The following LYPD6 variants were observed in gnomAD, a reference collection of about 807,000 sequenced individuals.
LYPD6 encodes ly6/PLAUR domain-containing protein 6.
Under a neutral mutation model 22.7 loss-of-function variants are expected in LYPD6, and 15 were observed. The observed-to-expected ratio is 0.66, with a 90% confidence interval of 0.44 to 1.02. The LOEUF (loss-of-function observed/expected upper bound fraction) is 1.02, where lower values mean the gene tolerates loss of function less well. LYPD6 is among the 50% of genes least tolerant of loss of function. LYPD6 has a pLI of 0.00. For missense variants in LYPD6, 189 were observed against 208.4 expected (o/e 0.91, Z 0.57); for synonymous variants, 72 against 77.5 (o/e 0.93, Z 0.37).
At chr2:149,483,380 G>A in the LYPD6 span, among the ~76,000 whole-genome samples, 21 of 152,318 alleles carry the variant, frequency 1.4e-4, no homozygotes, top group South Asian at 6.2e-4. Flanking sequence ...TGTTGATTGC[G>A]TATCTGGGAC....
At chr2:149,403,559 C>T (rs1682615733) in intron 1 of LYPD6, among the ~76,000 whole-genome samples, 1 of 136,648 alleles carries the variant, frequency 7.3e-6, no homozygotes. Context: ...ATGTCCTTCG[C>T]CCACTTTTTG....
At chr2:149,424,173 A>G (rs1298973035) in intron 1 of LYPD6, among the ~76,000 whole-genome samples, 2 of 152,146 alleles carry the variant, frequency 1.3e-5, no homozygotes, top group Non-Finnish European at 2.9e-5. Context: ...AAAAGCAGTT[A>G]TTATGATTAC....
At chr2:149,374,285 A>G (rs1313769694) in intron 1 of LYPD6, among the ~76,000 whole-genome samples, 1 of 152,200 alleles carries the variant, frequency 6.6e-6, no homozygotes, top group East Asian at 1.9e-4. Context: ...AGTCTCAATT[A>G]TGTTCAGGTC....
At chr2:149,364,554 T>A (rs2105071057) in intron 1 of LYPD6, among the ~76,000 whole-genome samples, 1 of 152,090 alleles carries the variant, frequency 6.6e-6, no homozygotes, top group African/African-American at 2.4e-5. Context: ...ATTTTTTTTT[T>A]TTTTTTTGCA....
chr2:149,473,459 A>C lies in LYPD6; in HGVS notation c.*2609A>C, dbSNP rs871. 0.9 allele frequency: 137,635 copies of C among 152,710 alleles called. 62,025 individuals are homozygous for C. Among genetic ancestry groups the C allele is most frequent in the East Asian group, 1 (5,158 of 5,182 alleles). 9.5% of individuals were successfully genotyped at this position (152,710 alleles called of 1,614,324 possible). ...ACATTAAATTCTCCATTACATCTCA[A>C]TATTGGTAATGGCTTAAGTGTAAAG... On this transcript the variant is annotated 3_prime_UTR_variant, in exon 5 of 5. Coordinates refer to ENST00000334166, the MANE Select transcript of LYPD6 (RefSeq NM_194317.5).
At chr2:149,360,155 G>A (rs1382260575) in intron 1 of LYPD6, among the ~76,000 whole-genome samples, 2 of 152,158 alleles carry the variant, frequency 1.3e-5, no homozygotes, top group African/African-American at 4.8e-5. Flanking sequence ...GTGTCTTTTA[G>A]CATGCTAATA....
chr2:149,374,595 C>A (rs540909325), intron 1 of LYPD6, among the ~76,000 whole-genome samples: 1 of 152,288 alleles, frequency 6.6e-6, no homozygotes, highest in African/African-American at 2.4e-5. Context: ...TTTGCTGAGT[C>A]TTAGGCTCTT....
chr2:149,389,808 T>C (rs1025204731), intron 1 of LYPD6, among the ~76,000 whole-genome samples: 2 of 152,142 alleles, frequency 1.3e-5, no homozygotes, highest in African/African-American at 4.8e-5. Flanking sequence ...TGACTACTGA[T>C]GGATGTCATG....
intron 3 of LYPD6, among the ~76,000 whole-genome samples, chr2:149,465,658 TGTTATTAAAAACAATATTG>T (rs1381346957): frequency 6.6e-6 from 1 of 152,222 alleles, no homozygotes; most frequent in Non-Finnish European, 1.5e-5. Context: ...ATATAGTTTC[TGTTATTAAAAACAATATTG>T]GTGGGTAAAT....
chr2:149,475,975 C>G (rs552266170), downstream of LYPD6, among the ~76,000 whole-genome samples: 1 of 152,288 alleles, frequency 6.6e-6, no homozygotes, highest in East Asian at 1.9e-4. Flanking sequence ...TGGCATTTTA[C>G]TAGAAAGCCA....
intron 1 of LYPD6, among the ~76,000 whole-genome samples, chr2:149,378,918 G>A (rs569560187): frequency 1.3e-5 from 2 of 152,260 alleles, no homozygotes; most frequent in East Asian, 3.9e-4. Context: ...CCGGAATATA[G>A]ATCACAAAAA....
At chr2:149,359,528 C>T (rs931228752) in intron 1 of LYPD6, among the ~76,000 whole-genome samples, 2 of 152,070 alleles carry the variant, frequency 1.3e-5, no homozygotes, top group Admixed American at 6.5e-5. Flanking sequence ...ATGATTGTCT[C>T]GTATCCCAGC....
chr2:149,341,242 G>A (rs1028132464), intron 1 of LYPD6, among the ~76,000 whole-genome samples: 4 of 152,134 alleles, frequency 2.6e-5, no homozygotes, highest in African/African-American at 9.7e-5. Context: ...TCAGTCAGGT[G>A]TGTCCTTGGT....
intron 1 of LYPD6, among the ~76,000 whole-genome samples, chr2:149,333,601 G>C (rs1403149618): frequency 6.6e-6 from 1 of 152,202 alleles, no homozygotes; most frequent in Non-Finnish European, 1.5e-5. Flanking sequence ...TATTCATGCA[G>C]CAAATATTCA....
intron 1 of LYPD6, among the ~76,000 whole-genome samples, chr2:149,420,118 G>C (rs572977925): frequency 6.6e-6 from 1 of 152,306 alleles, no homozygotes; most frequent in East Asian, 1.9e-4. Flanking sequence ...GCCACCTTTA[G>C]AGAGGGGTCA....
At chr2:149,385,054 C>G (rs1682154064) in intron 1 of LYPD6, among the ~76,000 whole-genome samples, 1 of 152,112 alleles carries the variant, frequency 6.6e-6, no homozygotes, top group South Asian at 2.1e-4. Flanking sequence ...ATGTAGATGG[C>G]ATTTCTCTAC....
intron 1 of LYPD6, among the ~76,000 whole-genome samples, chr2:149,380,000 A>C (rs1181418607): frequency 6.6e-6 from 1 of 152,218 alleles, no homozygotes; most frequent in Admixed American, 6.5e-5. Context: ...GCAGTTTTCG[A>C]TAAGGAAAGC....
At chr2:149,429,231 C>T (rs531728714) in intron 1 of LYPD6, among the ~76,000 whole-genome samples, 1 of 152,194 alleles carries the variant, frequency 6.6e-6, no homozygotes, top group Non-Finnish European at 1.5e-5. Flanking sequence ...AAAGATGGAC[C>T]TCCCTCCTTT....
intron 1 of LYPD6, among the ~76,000 whole-genome samples, chr2:149,416,817 G>T (rs193043112): frequency 6.6e-6 from 1 of 152,192 alleles, no homozygotes; most frequent in Non-Finnish European, 1.5e-5. Flanking sequence ...TCAGAAGATC[G>T]CCTCCTAGCT....
Sources: gnomAD v4.1 joint callset for allele counts (sites outside exome capture counted in the v4.1 genomes callset) on GRCh38, gnomAD v4.1.1 for gene constraint, MANE v1.5 for transcripts, NCBI Gene and HGNC (gene_info 2026-07-23, HGNC 2026-07-21) for gene names.